The following BBS2 variants were observed in gnomAD, a reference collection of about 807,000 sequenced individuals.
BBS2 encodes Bardet-Biedl syndrome 2, also known as BBSome complex member BBS2.
Under a neutral mutation model 83.0 loss-of-function variants are expected in BBS2, and 62 were observed. The ratio of observed to expected loss-of-function variants is 0.75; its 90% CI spans 0.61 to 0.92. The LOEUF (loss-of-function observed/expected upper bound fraction) is 0.92, where lower values mean the gene tolerates loss of function less well. Ranked by LOEUF, BBS2 falls within the 40% of genes least tolerant of loss-of-function variation. BBS2 has a pLI of 0.00. For missense variants in BBS2, 784 were observed against 901.0 expected, an observed-to-expected ratio of 0.87 and a Z score of 1.66; for synonymous variants, 303 against 326.1, an observed-to-expected ratio of 0.93 and a Z score of 0.76.
At chr16:56,477,901 C>T (rs773857501) in intron 17 of BBS2, 4 of 152,264 alleles carry the variant, frequency 2.6e-5, no homozygotes, top group East Asian at 1.9e-4. Flanking sequence ...AAATGACTTT[C>T]GCTTTGGCTT....
intron 11 of BBS2, 111 bp from the exon 12 acceptor site, chr16:56,500,018 T>G: frequency 7.3e-7 from 1 of 1,365,984 alleles, no homozygotes; most frequent in Non-Finnish European, 1.0e-6. Context: ...TATTTAAGGG[T>G]TTCACTTAAG....
In BBS2 at chr16:56,498,525, G is replaced by A; in HGVS notation, c.1571C>T (p.Thr524Ile). 1 of 1,614,012 alleles carries A rather than the reference G, an allele frequency of 6.2e-7. No individual in the cohort carries two copies. The highest frequency in any genetic ancestry group is 8.5e-7 in the Non-Finnish European group (1 of 1,179,994). ...LGQNFLLPED[T>I]HIQNAPFQVC... is the part of the protein sequence containing the mutation. ...TTGAAATGGAGCATTCTGAATGTGA[G>A]TGTCTTCTGGTAACAGAAAGTTCTG... Residue 524 changes from threonine to isoleucine, a missense_variant, in exon 13 of 17, where the codon ACT becomes ATT. Transcript: ENST00000245157.
intron 15 of BBS2, among the ~76,000 whole-genome samples, chr16:56,489,461 G>A (rs1358574951): frequency 6.6e-6 from 1 of 152,156 alleles, no homozygotes; most frequent in African/African-American, 2.4e-5. Flanking sequence ...TATATGATAA[G>A]GGCAGTATCT....
intron 9 of BBS2, 171 bp downstream of exon 9, chr16:56,502,146 A>T: frequency 3.4e-6 from 3 of 871,120 alleles, no homozygotes; most frequent in Non-Finnish European, 5.7e-6. Context: ...CAGTTTAACT[A>T]CCTGGAAATG....
chr16:56,514,600 A>C lies in BBS2; in HGVS notation c.198T>G (p.Val66=). ...RVFQSPLESD[V]SLLSINQAVS... ...CTGCCTGGTTAATGCTGAGAAGAGA[A>C]ACATCAGATTCCAGGGGGCTCTGGA... The change falls in exon 2 of 17, where the codon GTT becomes GTG. Residue 66 remains valine, a synonymous_variant. Transcript: ENST00000245157. 1 of 1,614,196 alleles carries C rather than the reference A, an allele frequency of 6.2e-7. No individual in the cohort carries two copies. The highest frequency in any genetic ancestry group is 1.3e-5 in the African/African-American group (1 of 75,068).
intron 17 of BBS2, chr16:56,476,165 G>T: frequency 6.2e-7 from 1 of 1,613,104 alleles, no homozygotes; most frequent in East Asian, 2.2e-5. Context: ...TTCCCAAACA[G>T]AACAGGTTTC....
At chr16:56,498,630 T>C (rs932607528) in intron 12 of BBS2, 62 bp from the exon 13 acceptor site, 2 of 1,610,792 alleles carry the variant, frequency 1.2e-6, no homozygotes, top group Admixed American at 1.7e-5. Flanking sequence ...TTTTTTTTAA[T>C]GTGCCTCTAG....
At chr16:56,508,739 G>A (rs1169881064) in intron 5 of BBS2, among the ~76,000 whole-genome samples, 2 of 151,976 alleles carry the variant, frequency 1.3e-5, no homozygotes, top group Non-Finnish European at 2.9e-5. Context: ...TCAAGCTCCT[G>A]GGCTCAAGGG....
intron 1 of BBS2, among the ~76,000 whole-genome samples, chr16:56,518,966 TGGG>T (rs1408301723): frequency 6.6e-6 from 1 of 152,202 alleles, no homozygotes; most frequent in East Asian, 1.9e-4. Flanking sequence ...TGAATGTACA[TGGG>T]CAAGGATCAA....
intron 10 of BBS2, 56 bp from the exon 11 acceptor site, chr16:56,501,081 T>C (rs1011459352): frequency 1.1e-5 from 18 of 1,584,064 alleles, no homozygotes; most frequent in Non-Finnish European, 1.5e-5. Context: ...GAAGCTGAGG[T>C]GGGCAGATCA....
chr16:56,482,763 G>A (rs1266318004), downstream of BBS2, among the ~76,000 whole-genome samples: 3 of 152,222 alleles, frequency 2.0e-5, no homozygotes, highest in South Asian at 2.1e-4. Context: ...ACGTTAGGGC[G>A]AAATTTTTCC....
rs187986954 is a variant in BBS2, at chr16:56,489,152, A to C, written c.1911-3414T>G. 1.2e-4 allele frequency among the ~76,000 whole-genome samples: 19 copies of C among 152,134 alleles called. No individual in the cohort carries two copies. In the East Asian group the frequency reaches 3.7e-3, roughly 29 times the overall value. Reference sequence around the variant, plus strand: ...TCAGGAGTTTGAGACTAGCCTGGGCAATATAGTGAGACCCTGTCTCTACCA... The same window carrying C: ...TCAGGAGTTTGAGACTAGCCTGGGCCATATAGTGAGACCCTGTCTCTACCA... On this transcript the variant is annotated intron_variant, in intron 15 of 16. Coordinates refer to ENST00000245157, the MANE Select transcript of BBS2 (RefSeq NM_031885.5).
intron 13 of BBS2, 75 bp from the exon 14 acceptor site, chr16:56,497,955 T>C: frequency 2.0e-6 from 3 of 1,496,786 alleles, no homozygotes; most frequent in Non-Finnish European, 2.8e-6. Context: ...TACCTGAATT[T>C]CCCCATACTC....
chr16:56,502,545 C>T lies in BBS2; in HGVS notation c.941-89G>A, dbSNP rs1964305072. On this transcript the variant is annotated intron_variant, in intron 8 of 16. Coordinates refer to ENST00000245157, the MANE Select transcript of BBS2 (RefSeq NM_031885.5). ...CTTAAAAACAAAAACCTAAGTTCTC[C>T]CCAACTTTGGTGAATTTATTAGAAC... The T allele has an allele frequency of 1.9e-6, 3 of 1,608,708 alleles. No homozygotes were observed. The Admixed American group carries it at 5.0e-5, about 27-fold the overall frequency.
rs372493443 is a variant in BBS2 at position 56,490,865 on chromosome 16, C to T, written c.1911-5127G>A. 4.0e-5 allele frequency among the ~76,000 whole-genome samples: 6 copies of T among 151,688 alleles called. No individual in the cohort carries two copies. In the East Asian group the frequency reaches 8.0e-4, roughly 20 times the overall value. On this transcript the variant is annotated intron_variant, in intron 15 of 16. Transcript: ENST00000245157. ...CAACCTCCGCCTCCCGGGTTCACAC[C>T]ATTCTCCCGCCTCAGCCTCCCGAAT... is the stretch of plus-strand genomic sequence containing the variant.
chr16:56,517,550 A>G (rs1249561794), intron 1 of BBS2, among the ~76,000 whole-genome samples: 1 of 152,194 alleles, frequency 6.6e-6, no homozygotes, highest in African/African-American at 2.4e-5. Flanking sequence ...CTCCCATCAC[A>G]CTGAATCCCT....
chr16:56,499,799 G>T lies in BBS2; in HGVS notation c.1506C>A (p.Thr502=), dbSNP rs1049924092. The stretch of plus-strand genomic sequence containing the variant: ...TCACCCTCTGTGCCCGTTCTGCAAT[G>T]GTAAAGTTAACATAACTGATTGGCT... ...ASEPISYVNF[T]IAERAQRVVV... is the part of the protein sequence containing the mutation. Residue 502 remains threonine, a synonymous_variant, in exon 12 of 17, where the codon ACC becomes ACA. Transcript: ENST00000245157. The T allele has an allele frequency of 1.2e-6, 2 of 1,614,168 alleles. No homozygotes were observed. The highest frequency in any genetic ancestry group is 8.5e-7 in the Non-Finnish European group (1 of 1,180,006).
intron 15 of BBS2, among the ~76,000 whole-genome samples, chr16:56,491,942 T>C (rs1446200486): frequency 6.6e-6 from 1 of 151,844 alleles, no homozygotes; most frequent in African/African-American, 2.4e-5. Context: ...CAACAAGTGT[T>C]GGCAAGGATG....
chr16:56,513,981 CT>C, intron 2 of BBS2, among the ~76,000 whole-genome samples: 1 of 152,180 alleles, frequency 6.6e-6, no homozygotes, highest in African/African-American at 2.4e-5. Context: ...GTTAAGTGCT[CT>C]TTCTAGATGA....
Sources: gnomAD v4.1 joint callset for allele counts (sites outside exome capture counted in the v4.1 genomes callset) on GRCh38, gnomAD v4.1.1 for gene constraint, MANE v1.5 for transcripts, NCBI Gene and HGNC (gene_info 2026-07-23, HGNC 2026-07-21) for gene names.